The following LUZP1 variants were observed in gnomAD, a reference collection of about 807,000 sequenced individuals.
The protein encoded by LUZP1 is filamin mechanobinding actin cross-linking protein.
Under a neutral mutation model 71.3 loss-of-function variants are expected in LUZP1, and 25 were observed. The observed-to-expected ratio is 0.35, with a 90% CI of 0.26 to 0.49. The LOEUF (loss-of-function observed/expected upper bound fraction) is 0.49, where lower values mean the gene tolerates loss of function less well. Ranked by LOEUF, LUZP1 falls within the 20% of genes least tolerant of loss-of-function variation. The pLI, the probability that LUZP1 is intolerant of heterozygous loss-of-function variation, is 0.99. For synonymous variants in LUZP1, 481 were observed against 506.4 expected (o/e 0.95, Z 0.67); for missense variants, 1,142 against 1,300.8 (o/e 0.88, Z 1.88).
intron 2 of LUZP1, among the ~76,000 whole-genome samples, chr1:23,117,871 C>G (rs1183114586): frequency 6.6e-6 from 1 of 152,110 alleles, no homozygotes; most frequent in African/African-American, 2.4e-5. Flanking sequence ...GCGGGCAGAT[C>G]ACGAAGTCAG....
chr1:23,152,449 T>C (rs1237360708), intron 2 of LUZP1, among the ~76,000 whole-genome samples: 1 of 152,162 alleles, frequency 6.6e-6, no homozygotes, highest in Admixed American at 6.6e-5. Flanking sequence ...CCACAGAGAA[T>C]TTGAGGGCAA....
chr1:23,176,062 C>T (rs1326656691), intron 1 of LUZP1, among the ~76,000 whole-genome samples: 1 of 129,848 alleles, frequency 7.7e-6, no homozygotes, highest in Non-Finnish European at 1.6e-5. Context: ...ACTTCCTTGA[C>T]TTTTTTTTTT....
intron 2 of LUZP1, among the ~76,000 whole-genome samples, chr1:23,146,144 C>T (rs1248666879): frequency 6.6e-6 from 1 of 152,128 alleles, no homozygotes; most frequent in Non-Finnish European, 1.5e-5. Context: ...GATTCTGCTG[C>T]CTCAGCTTCT....
At chr1:23,115,912 A>C (rs1644074191) in intron 2 of LUZP1, among the ~76,000 whole-genome samples, 1 of 152,206 alleles carries the variant, frequency 6.6e-6, no homozygotes, top group African/African-American at 2.4e-5. Context: ...TGTGAAGTTT[A>C]GCAACAGAAT....
In LUZP1 at chr1:23,093,072, T is replaced by C. The variant is rs140498746; in HGVS notation, c.1190A>G (p.His397Arg). ...CCTGTTCCGGAGTCGTTCCCGCTTA[T>C]GCTGAGGAGACAGTTCCCGCGCTGT... Residue 397 changes from histidine to arginine, a missense_variant, in exon 4 of 5, where the codon CAT (histidine) becomes CGT (arginine). Transcript: ENST00000302291. The surrounding 1 kb of genome is among the most constrained non-coding windows in gnomAD (Gnocchi z 4.2). 6.2e-7 allele frequency: 1 copy of C among 1,614,168 alleles called. No individual in the cohort carries two copies. The highest frequency in any genetic ancestry group is 1.7e-5 in the Admixed American group (1 of 60,030).
chr1:23,102,727 A>AG (rs1643941269), intron 3 of LUZP1, among the ~76,000 whole-genome samples: 1 of 152,124 alleles, frequency 6.6e-6, no homozygotes, highest in African/African-American at 2.4e-5. Flanking sequence ...TGGTAAGATG[A>AG]GCGGGGAGGA....
chr1:23,093,220 T>C lies in LUZP1; in HGVS notation c.1042A>G (p.Lys348Glu), dbSNP rs1643873752. The change falls in exon 4 of 5, where the codon AAG becomes GAG. Residue 348 changes from lysine to glutamate, a missense_variant. Transcript: ENST00000302291. The surrounding 1 kb of genome is among the most constrained non-coding windows in gnomAD (Gnocchi z 4.2). ...CCATTTTCTAACTCTTTCTGTTTCTTGATTTGTAGCTTTATCTCCTCCAGT... is the reference window on the plus strand; with the variant it reads ...CCATTTTCTAACTCTTTCTGTTTCTCGATTTGTAGCTTTATCTCCTCCAGT... The C allele has an allele frequency of 1.2e-6, 2 of 1,614,166 alleles. No individual in the cohort carries two copies. The highest frequency in any genetic ancestry group is 2.7e-5 in the African/African-American group (2 of 75,062).
intron 2 of LUZP1, among the ~76,000 whole-genome samples, chr1:23,117,474 TCTCC>T (rs1557653708): frequency 2.7e-3 from 80 of 29,494 alleles, no homozygotes; most frequent in African/African-American, 0.017. Context: ...TCTCTCTCTC[TCTCC>T]CCCCCCCCCC....
At position 23,174,765 on chromosome 1, in the gene LUZP1, A is replaced by T. The variant is rs905107924; in HGVS notation, c.-485+2726T>A. Among the ~76,000 whole-genome samples, 9 of 152,228 alleles carry T rather than the reference A, an allele frequency of 5.9e-5. No homozygotes were observed. The East Asian group carries it at 1.7e-3, about 29-fold the overall frequency. On this transcript the variant is annotated intron_variant, in intron 1 of 4. Transcript: ENST00000302291. Reference sequence around the variant, plus strand: ...GTTTGCAAACAACAAATGATTACCCAGTATGATTGAGGCCAGTGCAAAGTC... The same window carrying T: ...GTTTGCAAACAACAAATGATTACCCTGTATGATTGAGGCCAGTGCAAAGTC...
Position 23,093,996 on chromosome 1 carries a change from C to T in LUZP1, c.266G>A (p.Cys89Tyr). ...TTCAAGTTTCTCCTTCATCAGACGA[C>T]ACAGATCCTCTGCTCTCTTAATTTC... is the stretch of plus-strand genomic sequence containing the variant. Residue 89 changes from cysteine to tyrosine, a missense_variant, in exon 4 of 5, where the codon TGT becomes TAT. Cys to Tyr is a radical substitution (Grantham distance 194). Transcript: ENST00000302291. The surrounding 1 kb of genome is among the most constrained non-coding windows in gnomAD (Gnocchi z 4.2). 6.2e-7 allele frequency: 1 copy of T among 1,614,236 alleles called. No homozygotes were observed. The highest frequency in any genetic ancestry group is 8.5e-7 in the Non-Finnish European group (1 of 1,180,032).
rs541150232 is a variant in LUZP1 at position 23,135,392 on chromosome 1, C to T, written c.-225-26265G>A. ...CTTAGGAATATTCTACACTTGTATT[C>T]AAACCATTTAATCAGCCTACACTAG... is the stretch of plus-strand genomic sequence containing the variant. On this transcript the variant is annotated intron_variant, in intron 2 of 4. Coordinates refer to ENST00000302291, the Ensembl canonical transcript of LUZP1. Among the ~76,000 whole-genome samples the T allele has an allele frequency of 5.3e-5, 8 of 152,302 alleles. No individual in the cohort carries two copies. The South Asian group carries it at 1.7e-3, about 32-fold the overall frequency.
intron 2 of LUZP1, among the ~76,000 whole-genome samples, chr1:23,109,808 C>T (rs2124638482): frequency 6.6e-6 from 1 of 152,140 alleles, no homozygotes; most frequent in East Asian, 1.9e-4. Context: ...CTTCTGGTCC[C>T]AGGGATTTCG....
chr1:23,132,597 A>T (rs1397022609), intron 2 of LUZP1, among the ~76,000 whole-genome samples: 1 of 151,926 alleles, frequency 6.6e-6, no homozygotes, highest in Non-Finnish European at 1.5e-5. Context: ...ACAATTTTTT[A>T]GGTGTGATAA....
chr1:23,170,527 C>T (rs1350589449), intron 1 of LUZP1, among the ~76,000 whole-genome samples: 1 of 143,482 alleles, frequency 7.0e-6, no homozygotes, highest in East Asian at 2.0e-4. Flanking sequence ...AGTGCAGTGG[C>T]ACGATCTCAG....
exon 4 of LUZP1, chr1:23,091,506 G>A (rs765121204): frequency 2.5e-6 from 4 of 1,614,192 alleles, no homozygotes; most frequent in Non-Finnish European, 3.4e-6. Flanking sequence ...ATTCCGCACA[G>A]TAACATGTCT....
intron 2 of LUZP1, among the ~76,000 whole-genome samples, chr1:23,129,904 A>G (rs1029037586): frequency 3.3e-5 from 5 of 152,220 alleles, no homozygotes; most frequent in Non-Finnish European, 7.3e-5. Flanking sequence ...CTTAGCAGAC[A>G]ATATTATAAA....
chr1:23,120,719 A>G (rs1229379582), intron 2 of LUZP1, among the ~76,000 whole-genome samples: 1 of 152,074 alleles, frequency 6.6e-6, no homozygotes, highest in Non-Finnish European at 1.5e-5. Context: ...CATACTCTCA[A>G]TCCTTAATAA....
rs147723714 is a variant in LUZP1 at position 23,089,695 on chromosome 1, C to A, written c.3073-642G>T. Among the ~76,000 whole-genome samples, 190 of 151,628 alleles carry A rather than the reference C, an allele frequency of 1.3e-3. 1 individual carries two copies. Among genetic ancestry groups the A allele is most frequent in the African/African-American group, 4.3e-3 (179 of 41,326 alleles). On this transcript the variant is annotated intron_variant, in intron 4 of 4. Transcript: ENST00000302291. ...GCAACCTCCGTCTCCTGGGTTCAAG[C>A]GATTCTCCTGCCTCAGCCTCCCAAG... is the stretch of plus-strand genomic sequence containing the variant.
chr1:23,107,112 G>T (rs545793401), intron 3 of LUZP1, among the ~76,000 whole-genome samples: 1 of 152,224 alleles, frequency 6.6e-6, no homozygotes, highest in East Asian at 1.9e-4. Flanking sequence ...CCTCTGCCTA[G>T]GATGCTTTTC....
Sources: gnomAD v4.1 joint callset for allele counts (sites outside exome capture counted in the v4.1 genomes callset) on GRCh38, gnomAD v4.1.1 for gene constraint, Gnocchi (gnomAD v3.1) non-coding constraint, MANE v1.5 for transcripts, NCBI Gene and HGNC (gene_info 2026-07-23, HGNC 2026-07-21) for gene names.